The following LLPH variants were observed in gnomAD, a reference collection of about 807,000 sequenced individuals.
LLPH encodes protein LLP homolog.
LLPH carries 5 observed loss-of-function variants against 13.3 expected under a neutral mutation model. The observed-to-expected ratio is 0.38, with a 90% CI of 0.20 to 0.79. The LOEUF is 0.79. Among genes scored for constraint, LLPH ranks in the 30% least tolerant of loss-of-function variants. LLPH has a pLI of 0.45. For missense variants in LLPH, 129 were observed against 152.1 expected (o/e 0.85, Z 0.80); for synonymous variants, 32 against 44.2 (o/e 0.72, Z 1.09).
chr12:66,117,153 A>G lies in LLPH; in HGVS notation c.*6687T>C, dbSNP rs918088231. On this transcript the variant is annotated 3_prime_UTR_variant, in exon 3 of 3. Transcript: ENST00000266604. ...CAAGAACAGTTGGCCCTCTGTATCTATGAATTCTGCATTTGGGGCTTCGTC... is the reference window on the plus strand; with the variant it reads ...CAAGAACAGTTGGCCCTCTGTATCTGTGAATTCTGCATTTGGGGCTTCGTC... 6.6e-6 allele frequency: 1 copy of G among 152,196 alleles called. No homozygotes were observed. Among genetic ancestry groups the G allele is most frequent in the African/African-American group, 2.4e-5 (1 of 41,442 alleles). The allele number at this position is 152,196 out of a possible 1,614,324, so 9.4% of individuals were successfully genotyped here.
rs982702569 is a variant in LLPH, at chr12:66,118,737, C to T, written c.*5103G>A. ...ATTAACGATATTACCTAGTGACACA[C>T]TTCTCAGAACACATCCCAGTCATTT... On this transcript the variant is annotated 3_prime_UTR_variant, in exon 3 of 3. Coordinates refer to ENST00000266604, the MANE Select transcript of LLPH (RefSeq NM_032338.4). 1.3e-5 allele frequency: 2 copies of T among 152,210 alleles called. No individual in the cohort carries two copies. Among genetic ancestry groups the T allele is most frequent in the Admixed American group, 6.5e-5 (1 of 15,272 alleles). 9.4% of individuals were successfully genotyped at this position (152,210 alleles called of 1,614,324 possible). A position where few individuals can be genotyped will look rare whatever the true frequency, so the allele number is the denominator to read the frequency against.
At chr12:66,125,362 G>A (rs1473518560) in intron 2 of LLPH, among the ~76,000 whole-genome samples, 1 of 152,178 alleles carries the variant, frequency 6.6e-6, no homozygotes, top group East Asian at 1.9e-4. Flanking sequence ...TAGATGTGGG[G>A]AATAAAGGAA....
intron 1 of LLPH, 27 bp from the exon 2 acceptor site, chr12:66,129,140 A>G (rs959774652): frequency 2.7e-5 from 39 of 1,428,078 alleles, no homozygotes; most frequent in Non-Finnish European, 3.4e-5. Context: ...CACACATTCA[A>G]AAGCAAATCT....
rs2051465722 is a variant in LLPH at position 66,121,889 on chromosome 12, A to C, written c.*1951T>G. The C allele has an allele frequency of 6.6e-6, 1 of 151,540 alleles. No homozygotes were observed. Among genetic ancestry groups the C allele is most frequent in the African/African-American group, 2.4e-5 (1 of 41,262 alleles). 9.4% of individuals were successfully genotyped at this position (151,540 alleles called of 1,614,324 possible). The stretch of plus-strand genomic sequence containing the variant: ...ACAGAGTGAGACCCCATCTCAAAAA[A>C]AAAAAAAAAAAAAACATAAATAATT... On this transcript the variant is annotated 3_prime_UTR_variant, in exon 3 of 3. Coordinates refer to ENST00000266604, the MANE Select transcript of LLPH (RefSeq NM_032338.4).
At position 66,119,547 on chromosome 12, in the gene LLPH, TG is replaced by T. The variant is rs1452040835; in HGVS notation, c.*4292del. On this transcript the variant is annotated 3_prime_UTR_variant, in exon 3 of 3. Coordinates refer to ENST00000266604, the MANE Select transcript of LLPH (RefSeq NM_032338.4). ...AATTGGTATGTGTCTACTGCAACAG[TG>T]TTTTTATTAATACATGCAGGCAAAT... 1 of 152,200 alleles carries T rather than the reference TG, an allele frequency of 6.6e-6. No individual in the cohort carries two copies. Among genetic ancestry groups the T allele is most frequent in the Non-Finnish European group, 1.5e-5 (1 of 68,022 alleles). 9.4% of individuals were successfully genotyped at this position (152,200 alleles called of 1,614,324 possible). A position where few individuals can be genotyped will look rare whatever the true frequency, so the allele number is the denominator to read the frequency against.
chr12:66,127,784 G>A (rs986656435), intron 2 of LLPH, among the ~76,000 whole-genome samples: 1 of 152,234 alleles, frequency 6.6e-6, no homozygotes, highest in African/African-American at 2.4e-5. Flanking sequence ...AAATAAAGCA[G>A]CAGATTGAGA....
rs2051453142 is a variant in LLPH at position 66,120,023 on chromosome 12, T to C, written c.*3817A>G. On this transcript the variant is annotated 3_prime_UTR_variant, in exon 3 of 3. Transcript: ENST00000266604. ...ATAGGATGTGGTCAAAACCACTACT[T>C]GATTCTACCTTAGAGCTTCAACTGC... 1 of 152,248 alleles carries C rather than the reference T, an allele frequency of 6.6e-6. No individual in the cohort carries two copies. The highest frequency in any genetic ancestry group is 2.1e-4 in the South Asian group (1 of 4,834). The allele number at this position is 152,248 out of a possible 1,614,324, so 9.4% of individuals were successfully genotyped here.
chr12:66,130,489 A>T (rs2051528184), intron 1 of LLPH: 1 of 152,192 alleles, frequency 6.6e-6, no homozygotes, highest in Non-Finnish European at 1.5e-5. Context: ...GCGGGAGTGA[A>T]CGACAGGGGT....
At position 66,121,403 on chromosome 12, in the gene LLPH, C is replaced by G. The variant is rs2051461947; in HGVS notation, c.*2437G>C. Reference sequence around the variant, plus strand: ...GTTCAAGCGATTCTCCTTCCTCAGCCTCCCAAGTAGCTGGGATTACAGGCA... The same window carrying G: ...GTTCAAGCGATTCTCCTTCCTCAGCGTCCCAAGTAGCTGGGATTACAGGCA... On this transcript the variant is annotated 3_prime_UTR_variant, in exon 3 of 3. Transcript: ENST00000266604. 1 of 151,794 alleles carries G rather than the reference C, an allele frequency of 6.6e-6. No homozygotes were observed. The highest frequency in any genetic ancestry group is 1.5e-5 in the Non-Finnish European group (1 of 68,258). The allele number at this position is 151,794 out of a possible 1,614,324, so 9.4% of individuals were successfully genotyped here. A position where few individuals can be genotyped will look rare whatever the true frequency, so the allele number is the denominator to read the frequency against.
chr12:66,125,233 G>T (rs1009761414), intron 2 of LLPH, among the ~76,000 whole-genome samples: 33 of 152,158 alleles, frequency 2.2e-4, no homozygotes, highest in Non-Finnish European at 1.3e-4. Context: ...AAGTAAAAAG[G>T]CTCCTATAAT....
At position 66,121,837 on chromosome 12, in the gene LLPH, C is replaced by A. The variant is rs2136826722; in HGVS notation, c.*2003G>T. 7.2e-6 allele frequency: 1 copy of A among 138,478 alleles called. No individual in the cohort carries two copies. The highest frequency in any genetic ancestry group is 2.3e-4 in the South Asian group (1 of 4,414). The allele number at this position is 138,478 out of a possible 1,614,324, so 8.6% of individuals were successfully genotyped here. On this transcript the variant is annotated 3_prime_UTR_variant, in exon 3 of 3. Coordinates refer to ENST00000266604, the MANE Select transcript of LLPH (RefSeq NM_032338.4). Reference sequence around the variant, plus strand: ...AGGTGGAGGTTGCAGCGGAGCCACACTTGTGCCAATCACTCCAGCCTGGGT... The same window carrying A: ...AGGTGGAGGTTGCAGCGGAGCCACAATTGTGCCAATCACTCCAGCCTGGGT...
chr12:66,116,846 T>G lies in LLPH; in HGVS notation c.*6994A>C, dbSNP rs2051431266. On this transcript the variant is annotated 3_prime_UTR_variant, in exon 3 of 3. Transcript: ENST00000266604. ...GGACTTTACTCCATTCATTTTTCTT[T>G]ACAGGACTATTGCAGTACCATTCAT... 6.6e-6 allele frequency: 1 copy of G among 152,256 alleles called. No homozygotes were observed. Among genetic ancestry groups the G allele is most frequent in the African/African-American group, 2.4e-5 (1 of 41,470 alleles). 9.4% of individuals were successfully genotyped at this position (152,256 alleles called of 1,614,324 possible).
Position 66,123,890 on chromosome 12 carries a change from C to G in LLPH, c.340G>C (p.Gly114Arg), listed in dbSNP as rs368405358. Residue 114 changes from glycine to arginine, a missense_variant, in exon 3 of 3, where the codon GGG (glycine) becomes CGG (arginine). By Grantham distance (125) the Gly-to-Arg change is moderately radical. Coordinates refer to ENST00000266604, the MANE Select transcript of LLPH (RefSeq NM_032338.4). ...TTCACTGCTTTTGCTTTGCTTTTCC[C>G]CTTTCTTTTCTCTCGCTTTGCCTTC... ...RLKAKREKRK[G>R]KSKAKAVKVA... The G allele has an allele frequency of 1.2e-6, 2 of 1,612,290 alleles. No homozygotes were observed. The highest frequency in any genetic ancestry group is 2.7e-5 in the African/African-American group (2 of 74,978).
intron 2 of LLPH, among the ~76,000 whole-genome samples, chr12:66,128,199 G>T (rs968496659): frequency 2.6e-5 from 4 of 152,136 alleles, no homozygotes; most frequent in Non-Finnish European, 4.4e-5. Flanking sequence ...ACCCCCTAAG[G>T]TTGGGAGATT....
intron 2 of LLPH, 102 bp from the exon 3 acceptor site, chr12:66,124,120 G>A (rs2051481814): frequency 1.4e-6 from 1 of 722,046 alleles, no homozygotes; most frequent in African/African-American, 1.8e-5. Flanking sequence ...AGAACTGAAG[G>A]TAGACCGAAA....
At chr12:66,129,390 CTT>C (rs35029381) in intron 1 of LLPH, among the ~76,000 whole-genome samples, 9 of 143,570 alleles carry the variant, frequency 6.3e-5, no homozygotes, top group African/African-American at 2.5e-5. Flanking sequence ...TGTCTTTTTT[CTT>C]TTTTTTTTTT....
chr12:66,122,693 G>A lies in LLPH; in HGVS notation c.*1147C>T, dbSNP rs2136827134. ...ACGCTAAACAGGTTTCTTTGCTGCT[G>A]GAACCCTGTAGGACTATTCTAATCC... On this transcript the variant is annotated 3_prime_UTR_variant, in exon 3 of 3. Coordinates refer to ENST00000266604, the MANE Select transcript of LLPH (RefSeq NM_032338.4). 2 of 152,276 alleles carry A rather than the reference G, an allele frequency of 1.3e-5. 1 individual carries two copies. The highest frequency in any genetic ancestry group is 6.8e-3 in the Middle Eastern group (2 of 294). 9.4% of individuals were successfully genotyped at this position (152,276 alleles called of 1,614,324 possible). A position where few individuals can be genotyped will look rare whatever the true frequency, so the allele number is the denominator to read the frequency against.
chr12:66,126,356 T>C (rs2051497350), intron 2 of LLPH, among the ~76,000 whole-genome samples: 1 of 149,916 alleles, frequency 6.7e-6, no homozygotes, highest in African/African-American at 2.4e-5. Context: ...AAGAAAAACT[T>C]TTAGAAATTA....
chr12:66,117,654 C>G lies in LLPH; in HGVS notation c.*6186G>C, dbSNP rs79824549. 2.1e-4 allele frequency: 32 copies of G among 152,220 alleles called. No individual in the cohort carries two copies. The highest frequency in any genetic ancestry group is 7.2e-4 in the African/African-American group (30 of 41,444). 9.4% of individuals were successfully genotyped at this position (152,220 alleles called of 1,614,324 possible). A position where few individuals can be genotyped will look rare whatever the true frequency, so the allele number is the denominator to read the frequency against. The stretch of plus-strand genomic sequence containing the variant: ...AAAGTTGACTGTGAACAGCCTCAGG[C>G]AGGTCCTCCAGAAGGTATTGCACAA... On this transcript the variant is annotated 3_prime_UTR_variant, in exon 3 of 3. Transcript: ENST00000266604.
Sources: gnomAD v4.1 joint callset for allele counts (sites outside exome capture counted in the v4.1 genomes callset) on GRCh38, gnomAD v4.1.1 for gene constraint, MANE v1.5 for transcripts, NCBI Gene and HGNC (gene_info 2026-07-23, HGNC 2026-07-21) for gene names.